ABCC4: variants seen among roughly 807,000 people sequenced by gnomAD.
ABCC4 encodes ATP-binding cassette sub-family C member 4.
A neutral mutation model predicts 168.5 loss-of-function variants in ABCC4; 102 were observed. The observed-to-expected ratio is 0.61, with a 90% confidence interval of 0.52 to 0.71. ABCC4 has a LOEUF of 0.71. Among genes scored for constraint, ABCC4 ranks in the 30% least tolerant of loss-of-function variants. The pLI is 0.00. For missense variants in ABCC4, 1,402 were observed against 1,605.8 expected (o/e 0.87, Z 2.17); for synonymous variants, 617 against 590.7 (o/e 1.04, Z -0.65).
intron 4 of ABCC4, among the ~76,000 whole-genome samples, chr13:95,216,762 A>T (rs2039125359): frequency 6.6e-6 from 1 of 152,206 alleles, no homozygotes; most frequent in Non-Finnish European, 1.5e-5. Flanking sequence ...ATTAAAATAT[A>T]ACATCAAATC....
intron 3 of ABCC4, 111 bp downstream of exon 3, chr13:95,246,864 A>T: frequency 7.8e-7 from 1 of 1,282,010 alleles, no homozygotes; most frequent in Admixed American, 2.2e-5. Context: ...TTCAAACCCC[A>T]TCTGGCCACT....
In ABCC4 at chr13:95,208,604, ATTTCTTTTT is replaced by A. The variant is rs1179861898; in HGVS notation, c.786-688_786-680del. Among the ~76,000 whole-genome samples the A allele has an allele frequency of 2.8e-3, 250 of 89,538 alleles. 14 individuals carry two copies. In the East Asian group the frequency reaches 0.084, roughly 30 times the overall value. The allele number at this position is 89,538 out of a possible 152,430, so 58.7% of individuals were successfully genotyped here. A position where few individuals can be genotyped will look rare whatever the true frequency, so the allele number is the denominator to read the frequency against. On this transcript the variant is annotated intron_variant, in intron 6 of 30. Transcript: ENST00000645237. ...CATTAATCTCTTGATCAAAAGCTGT[ATTTCTTTTT>A]TTTTTTTTTTTTTTTTTTTTTTTTT...
intron 9 of ABCC4, among the ~76,000 whole-genome samples, chr13:95,190,109 T>C (rs1460292419): frequency 6.6e-6 from 1 of 151,646 alleles, no homozygotes; most frequent in Non-Finnish European, 1.5e-5. Flanking sequence ...TTTTGGGAGA[T>C]GGAGGTGGGA....
At chr13:95,096,243 CA>C in intron 20 of ABCC4, 1 of 584,734 alleles carries the variant, frequency 1.7e-6, no homozygotes, top group Non-Finnish European at 3.0e-6. Flanking sequence ...GAGAAAGAAT[CA>C]ATGACCCTAA....
rs529536678 is a variant in ABCC4, at chr13:95,234,642, G to A, written c.499C>T (p.Arg167Ter). Residue 167 changes from arginine (R) to a stop codon, truncating the protein, a stop_gained, in exon 4 of 31, where the codon CGA becomes TGA. Coordinates refer to ENST00000645237, the MANE Select transcript of ABCC4 (RefSeq NM_005845.5). LOFTEE classifies it high-confidence loss of function. ...TAAATCATATGGCACATGGCTACTC[G>A]TAACCTCATCCCAGCACACTGAACG... ...YHVQCAGMRL[R>*]VAMCHMIYRK... The A allele has an allele frequency of 9.9e-6, 16 of 1,614,022 alleles. No individual in the cohort carries two copies. In the Admixed American group the frequency reaches 1.0e-4, roughly 10 times the overall value.
chr13:95,041,992 C>A (rs1244843115), intron 29 of ABCC4, among the ~76,000 whole-genome samples: 3 of 152,234 alleles, frequency 2.0e-5, no homozygotes, highest in Non-Finnish European at 4.4e-5. Context: ...CCTGGTAGGA[C>A]CTCCTGTGAT....
intron 27 of ABCC4, among the ~76,000 whole-genome samples, chr13:95,049,014 G>A (rs373228988): frequency 1.4e-4 from 22 of 152,150 alleles, no homozygotes; most frequent in South Asian, 8.3e-4. Context: ...CAGTATTTAC[G>A]ATAACTTTCA....
chr13:95,083,281 G>C lies in ABCC4; in HGVS notation c.2545C>G (p.Gln849Glu). 6.2e-7 allele frequency: 1 copy of C among 1,613,446 alleles called. No homozygotes were observed. The highest frequency in any genetic ancestry group is 8.5e-7 in the Non-Finnish European group (1 of 1,179,702). Residue 849 changes from glutamine (Q) to glutamate (E), a missense_variant, in exon 21 of 31, where the codon CAA (glutamine) becomes GAA (glutamate). Gln to Glu is a conservative substitution (Grantham distance 29, BLOSUM62 2). Coordinates refer to ENST00000645237, the MANE Select transcript of ABCC4 (RefSeq NM_005845.5). Reference protein sequence around the residue: ...TFLDFIQTLLQVVGVVSVAVA... With the variant: ...TFLDFIQTLLEVVGVVSVAVA... Reference sequence around the variant, plus strand: ...GCCACAGAGACCACACCAACCACTTGTAGCAATGTCTGAAATAGCAGAAGT... The same window carrying C: ...GCCACAGAGACCACACCAACCACTTCTAGCAATGTCTGAAATAGCAGAAGT...
chr13:95,211,474 G>A (rs1331187003), intron 4 of ABCC4, among the ~76,000 whole-genome samples: 1 of 152,174 alleles, frequency 6.6e-6, no homozygotes, highest in Non-Finnish European at 1.5e-5. Context: ...GAAGGGAAGG[G>A]CACTGCAGGG....
intron 26 of ABCC4, among the ~76,000 whole-genome samples, chr13:95,057,487 C>T (rs1448305711): frequency 6.6e-6 from 1 of 152,188 alleles, no homozygotes; most frequent in Non-Finnish European, 1.5e-5. Context: ...ATCCACCCTC[C>T]TTGGCCTCCC....
rs902782777 is a variant in ABCC4, at chr13:95,114,388, C to T, written c.2535+1534G>A. On this transcript the variant is annotated intron_variant, in intron 20 of 30. Coordinates refer to ENST00000645237, the MANE Select transcript of ABCC4 (RefSeq NM_005845.5). Reference sequence around the variant, plus strand: ...CTTCGGAAACTCAACCTTTGCCTAGCTTCCTGTTGCAAAGAAACAGAAACT... The same window carrying T: ...CTTCGGAAACTCAACCTTTGCCTAGTTTCCTGTTGCAAAGAAACAGAAACT... Among the ~76,000 whole-genome samples, 5 of 152,304 alleles carry T rather than the reference C, an allele frequency of 3.3e-5. No homozygotes were observed. In the East Asian group the frequency reaches 7.7e-4, roughly 24 times the overall value.
chr13:95,167,663 A>G (rs1035909752), intron 14 of ABCC4, among the ~76,000 whole-genome samples: 1 of 152,184 alleles, frequency 6.6e-6, no homozygotes, highest in African/African-American at 2.4e-5. Context: ...TAAAATGACC[A>G]CTTTTCACAT....
At chr13:95,177,678 G>T (rs570000213) in intron 13 of ABCC4, 29 bp downstream of exon 13, 7 of 1,582,748 alleles carry the variant, frequency 4.4e-6, no homozygotes, top group Non-Finnish European at 6.0e-6. Context: ...TGGAAAAGCA[G>T]AAATGACTTA....
intron 19 of ABCC4, among the ~76,000 whole-genome samples, chr13:95,131,276 A>G (rs988368132): frequency 1.3e-5 from 2 of 152,166 alleles, no homozygotes; most frequent in Admixed American, 6.5e-5. Flanking sequence ...AGGCGACAAG[A>G]GGGGACGCAC....
intron 27 of ABCC4, among the ~76,000 whole-genome samples, chr13:95,050,657 G>A (rs568831707): frequency 1.3e-5 from 2 of 152,320 alleles, no homozygotes; most frequent in South Asian, 2.1e-4. Flanking sequence ...AGTTCCCAGA[G>A]AAAGACAATG....
intron 1 of ABCC4, among the ~76,000 whole-genome samples, chr13:95,248,584 A>AATAATTAACATCATTAATCATTAAATG: frequency 6.6e-6 from 1 of 152,126 alleles, no homozygotes; most frequent in Non-Finnish European, 1.5e-5. Context: ...ATTAAATGAT[A>AATAATTAACATCATTAATCATTAAATG]ATAATTAACA....
At chr13:95,246,431 G>A (rs1380864458) in intron 3 of ABCC4, among the ~76,000 whole-genome samples, 1 of 152,228 alleles carries the variant, frequency 6.6e-6, no homozygotes, top group Non-Finnish European at 1.5e-5. Flanking sequence ...CAGCCCAGGT[G>A]CAAGGCCCTC....
chr13:95,026,878 G>C (rs1016162572), intron 30 of ABCC4, among the ~76,000 whole-genome samples: 3 of 124,376 alleles, frequency 2.4e-5, no homozygotes, highest in Non-Finnish European at 3.3e-5. Flanking sequence ...AACAGAGCAA[G>C]ACCCTGTCTC....
rs2037262771 is a variant in ABCC4 at position 95,166,145 on chromosome 13, G to A, written c.2034+13C>T. The A allele has an allele frequency of 1.9e-6, 3 of 1,607,442 alleles. No individual in the cohort carries two copies. Among genetic ancestry groups the A allele is most frequent in the African/African-American group, 1.3e-5 (1 of 74,770 alleles). On this transcript the variant is annotated intron_variant, in intron 15 of 30. Transcript: ENST00000645237. ...ACAAAACCAGGCCATGTTGTAACAG[G>A]AGGTGAACTCACATCTTGGCTCTCC... is the stretch of plus-strand genomic sequence containing the variant.
Sources: gnomAD v4.1 joint callset for allele counts (sites outside exome capture counted in the v4.1 genomes callset) on GRCh38, gnomAD v4.1.1 for gene constraint, MANE v1.5 for transcripts, NCBI Gene and HGNC (gene_info 2026-07-23, HGNC 2026-07-21) for gene names.